CLNK: variants seen among roughly 807,000 people sequenced by gnomAD.
CLNK encodes the protein cytokine-dependent hematopoietic cell linker.
CLNK carries 74 observed loss-of-function variants against 68.6 expected under a neutral mutation model. The ratio of observed to expected loss-of-function variants is 1.08; its 90% CI spans 0.89 to 1.31. The LOEUF is 1.31. CLNK is among the 50% of genes most tolerant of loss of function. The probability of loss-of-function intolerance (pLI) is 0.00; values close to 1 mark genes in which losing one functional copy is unlikely to be tolerated. For synonymous variants in CLNK, 198 were observed against 172.2 expected, an observed-to-expected ratio of 1.15 and a Z score of -1.17; for missense variants, 553 against 515.3, an observed-to-expected ratio of 1.07 and a Z score of -0.71.
chr4:10,611,046 G>A (rs775261956), intron 2 of CLNK, among the ~76,000 whole-genome samples: 11 of 152,164 alleles, frequency 7.2e-5, no homozygotes, highest in African/African-American at 1.4e-4. Context: ...TAGGCTGGGC[G>A]CAGTGGCTCA....
At chr4:10,728,002 G>A in the CLNK span, among the ~76,000 whole-genome samples, 1 of 152,124 alleles carries the variant, frequency 6.6e-6, no homozygotes, top group Non-Finnish European at 1.5e-5. Flanking sequence ...CACATGGATA[G>A]ACACGAAAAC....
intron 2 of CLNK, among the ~76,000 whole-genome samples, chr4:10,637,450 T>G (rs1723134715): frequency 6.6e-6 from 1 of 151,410 alleles, no homozygotes; most frequent in South Asian, 2.1e-4. Context: ...TTTTTTTTTT[T>G]TTTTGGCAGG....
the CLNK span, among the ~76,000 whole-genome samples, chr4:10,703,035 A>C: frequency 6.6e-6 from 1 of 152,222 alleles, no homozygotes; most frequent in African/African-American, 2.4e-5. Context: ...TGGAGGTGGC[A>C]TCAACAGGGC....
At chr4:10,689,049 G>A (rs193273505), upstream of CLNK, among the ~76,000 whole-genome samples, 1 of 151,754 alleles carries the variant, frequency 6.6e-6, no homozygotes, top group African/African-American at 2.4e-5. Context: ...ACGTGCTGGG[G>A]GAAAAATAAA....
the CLNK span, among the ~76,000 whole-genome samples, chr4:10,726,265 C>T: frequency 0.38 from 57,827 of 151,784 alleles, 11,674 homozygotes; most frequent in East Asian, 0.58. Context: ...GGACTACAGA[C>T]GCCTGCCACC....
At chr4:10,576,286 G>A (rs775237821) in intron 4 of CLNK, among the ~76,000 whole-genome samples, 2 of 152,016 alleles carry the variant, frequency 1.3e-5, no homozygotes, top group South Asian at 2.1e-4. Flanking sequence ...GGCTTCCTAG[G>A]GCCATTTTCT....
chr4:10,504,765 T>C (rs1030348661), intron 17 of CLNK, among the ~76,000 whole-genome samples: 3 of 152,210 alleles, frequency 2.0e-5, no homozygotes, highest in Admixed American at 6.5e-5. Flanking sequence ...TGAAACGATT[T>C]GTCAAAATAA....
intron 3 of CLNK, among the ~76,000 whole-genome samples, chr4:10,590,598 C>T (rs1402347914): frequency 6.6e-6 from 1 of 152,170 alleles, no homozygotes; most frequent in Non-Finnish European, 1.5e-5. Flanking sequence ...TCTCTCAAAC[C>T]TCTGAAATTA....
At chr4:10,578,579 C>CTTTTTTTTTTTT (rs5856062) in intron 4 of CLNK, among the ~76,000 whole-genome samples, 25 of 44,918 alleles carry the variant, frequency 5.6e-4, no homozygotes, top group African/African-American at 1.9e-3. Flanking sequence ...CTTACCTTAT[C>CTTTTTTTTTTTT]TTTTTTTTTT....
At chr4:10,582,633 C>T (rs61795139) in intron 4 of CLNK, among the ~76,000 whole-genome samples, 6,182 of 152,154 alleles carry the variant, frequency 0.041, 186 homozygotes, top group Middle Eastern at 0.095. Flanking sequence ...TTGACCTTGA[C>T]AGACTGTCCC....
At chr4:10,512,934 G>A (rs1717655694) in intron 16 of CLNK, among the ~76,000 whole-genome samples, 1 of 152,014 alleles carries the variant, frequency 6.6e-6, no homozygotes, top group African/African-American at 2.4e-5. Flanking sequence ...CAAAATAGAT[G>A]ACAGACACAC....
chr4:10,608,791 G>C (rs1721888397), intron 2 of CLNK, among the ~76,000 whole-genome samples: 2 of 152,288 alleles, frequency 1.3e-5, no homozygotes, highest in Non-Finnish European at 1.5e-5. Context: ...AGGCTGGGGG[G>C]CTTGAATAGC....
intron 2 of CLNK, among the ~76,000 whole-genome samples, chr4:10,636,351 A>G (rs978785471): frequency 2.6e-5 from 4 of 152,202 alleles, no homozygotes; most frequent in Admixed American, 2.6e-4. Context: ...AAAGATGGCC[A>G]TGTAACGATA....
At chr4:10,665,662 CA>C (rs57998581) in intron 2 of CLNK, among the ~76,000 whole-genome samples, 1,693 of 62,880 alleles carry the variant, frequency 0.027, 22 homozygotes, top group African/African-American at 0.088. Context: ...GACTTCGTCT[CA>C]AAAAAAAAAA....
intron 3 of CLNK, among the ~76,000 whole-genome samples, chr4:10,585,526 C>T (rs1414834388): frequency 3.3e-5 from 5 of 152,232 alleles, no homozygotes; most frequent in African/African-American, 9.6e-5. Context: ...GTCCATAAAC[C>T]TTCTTTCACC....
At chr4:10,664,684 G>C (rs1267939951) in intron 2 of CLNK, among the ~76,000 whole-genome samples, 1 of 152,212 alleles carries the variant, frequency 6.6e-6, no homozygotes, top group South Asian at 2.1e-4. Flanking sequence ...TAGCAGCTGA[G>C]ATTCTGTGTT....
In CLNK at chr4:10,650,607, T is replaced by A. The variant is rs6852747; in HGVS notation, c.11+17252A>T. ...GTTTATGAGTCTGAGAGAAAACAAC[T>A]GTCAATCTGAAATTATATGTCTAAT... On this transcript the variant is annotated intron_variant, in intron 2 of 18. Transcript: ENST00000226951. Among the ~76,000 whole-genome samples the A allele has an allele frequency of 2.0e-5, 3 of 152,140 alleles. No individual in the cohort carries two copies. The East Asian group carries it at 5.8e-4, about 29-fold the overall frequency.
intron 13 of CLNK, 112 bp from the exon 14 acceptor site, chr4:10,526,034 G>A: frequency 1.6e-6 from 1 of 643,014 alleles, no homozygotes; most frequent in East Asian, 2.8e-5. Flanking sequence ...CTGATTATTA[G>A]AAGGGGGCTC....
chr4:10,591,611 T>A (rs1319820121), intron 3 of CLNK, among the ~76,000 whole-genome samples: 1 of 152,210 alleles, frequency 6.6e-6, no homozygotes, highest in Non-Finnish European at 1.5e-5. Context: ...ACACTGCAGA[T>A]CATGTCTGGG....
Sources: gnomAD v4.1 joint callset for allele counts (sites outside exome capture counted in the v4.1 genomes callset) on GRCh38, gnomAD v4.1.1 for gene constraint, MANE v1.5 for transcripts, NCBI Gene and HGNC (gene_info 2026-07-23, HGNC 2026-07-21) for gene names.